Variants in ATP1B3 observed in about 807,000 individuals in gnomAD.
The protein encoded by ATP1B3 is sodium/potassium-transporting ATPase subunit beta-3.
In ATP1B3, 10 loss-of-function variants were observed where a neutral mutation model predicts 30.2. That is an observed-to-expected ratio of 0.33 (90% CI 0.20 to 0.56). The LOEUF is 0.56. Ranked by LOEUF, ATP1B3 falls within the 20% of genes least tolerant of loss-of-function variation. The pLI, the probability that ATP1B3 is intolerant of heterozygous loss-of-function variation, is 0.90. For missense variants in ATP1B3, 238 were observed against 336.7 expected (o/e 0.71, Z 2.29); for synonymous variants, 113 against 117.0 (o/e 0.97, Z 0.22).
At position 141,876,739 on chromosome 3, in the gene ATP1B3, T is replaced by G. The variant is rs549951207; in HGVS notation, c.-63T>G. 4.5e-6 allele frequency: 6 copies of G among 1,348,146 alleles called. No individual in the cohort carries two copies. Among genetic ancestry groups the G allele is most frequent in the East Asian group, 5.3e-5 (2 of 37,784 alleles). The allele number at this position is 1,348,146 out of a possible 1,614,324, so 83.5% of individuals were successfully genotyped here. A position where few individuals can be genotyped will look rare whatever the true frequency, so the allele number is the denominator to read the frequency against. ...TGCGCCGCCGGAGCCGGGACGCGCCTCCGCAGCCCTCGCCGCCTCCATCCC... is the reference window on the plus strand; with the variant it reads ...TGCGCCGCCGGAGCCGGGACGCGCCGCCGCAGCCCTCGCCGCCTCCATCCC... On this transcript the variant is annotated 5_prime_UTR_variant, in exon 1 of 7. Transcript: ENST00000286371.
At chr3:141,877,633 G>A (rs1212951123) in intron 1 of ATP1B3, 1 of 151,266 alleles carries the variant, frequency 6.6e-6, no homozygotes, top group East Asian at 1.9e-4. Flanking sequence ...TTTGGGGAAA[G>A]TAAATCCTGT....
intron 3 of ATP1B3, among the ~76,000 whole-genome samples, chr3:141,908,068 C>CTTTTTTTT (rs56374653): frequency 1.9e-3 from 203 of 109,114 alleles, no homozygotes; most frequent in Non-Finnish European, 2.4e-3. Flanking sequence ...GCCAGGCATT[C>CTTTTTTTT]TTTTTTTTTT....
chr3:141,925,450 A>T, intron 6 of ATP1B3, 81 bp from the exon 7 acceptor site: 7 of 1,460,640 alleles, frequency 4.8e-6, no homozygotes, highest in African/African-American at 1.4e-5. Flanking sequence ...AAGAAAATTT[A>T]CAGAATAAGC....
intron 1 of ATP1B3, among the ~76,000 whole-genome samples, chr3:141,897,452 G>A (rs1934088649): frequency 6.6e-6 from 1 of 152,152 alleles, no homozygotes; most frequent in Non-Finnish European, 1.5e-5. Context: ...ACTTGAATGA[G>A]ACATTTTTAT....
At chr3:141,903,781 G>GT (rs773575288) in intron 2 of ATP1B3, 33 bp downstream of exon 2, 15 of 1,594,136 alleles carry the variant, frequency 9.4e-6, no homozygotes, top group Non-Finnish European at 1.2e-5. Context: ...TTTGTTTTTT[G>GT]TTTTTTGTTT....
At chr3:141,879,835 T>TTTTTTTTTA (rs1933688308) in intron 1 of ATP1B3, among the ~76,000 whole-genome samples, 3 of 136,468 alleles carry the variant, frequency 2.2e-5, no homozygotes, top group Non-Finnish European at 4.8e-5. Flanking sequence ...TTTTTTTTTT[T>TTTTTTTTTA]AAGAAAAACA....
At chr3:141,886,200 C>T (rs1933829607) in intron 1 of ATP1B3, among the ~76,000 whole-genome samples, 1 of 152,084 alleles carries the variant, frequency 6.6e-6, no homozygotes, top group Admixed American at 6.6e-5. Context: ...CCCTAAGTAA[C>T]CCATCGTTTC....
In ATP1B3 at chr3:141,915,955, A is replaced by AT; in HGVS notation, c.532-12dup. On this transcript the variant is annotated splice_polypyrimidine_tract_variant and intron_variant, in intron 4 of 6. Transcript: ENST00000286371. ...TTACGTGAAGTTTAAATTTATCACTATTTCTTAACCTTAGATAATTGGATT... is the reference window on the plus strand; with the variant it reads ...TTACGTGAAGTTTAAATTTATCACTATTTTCTTAACCTTAGATAATTGGATT... The AT allele has an allele frequency of 6.3e-7, 1 of 1,592,184 alleles. No homozygotes were observed. Among genetic ancestry groups the AT allele is most frequent in the Non-Finnish European group, 8.6e-7 (1 of 1,167,626 alleles).
chr3:141,926,250 C>T lies in ATP1B3; in HGVS notation c.*549C>T, dbSNP rs575287568. On this transcript the variant is annotated 3_prime_UTR_variant, in exon 7 of 7. Coordinates refer to ENST00000286371, the MANE Select transcript of ATP1B3 (RefSeq NM_001679.4). ...TATTTTTTACATGCTGAATTAGCCT[C>T]GATCTTTTTGATTAAGAGCACAAAC... 4 of 151,700 alleles carry T rather than the reference C, an allele frequency of 2.6e-5. No individual in the cohort carries two copies. The highest frequency in any genetic ancestry group is 9.7e-5 in the African/African-American group (4 of 41,346). The allele number at this position is 151,700 out of a possible 1,614,324, so 9.4% of individuals were successfully genotyped here. A position where few individuals can be genotyped will look rare whatever the true frequency, so the allele number is the denominator to read the frequency against.
intron 3 of ATP1B3, 58 bp downstream of exon 3, chr3:141,907,332 A>G (rs1934281024): frequency 6.9e-7 from 1 of 1,457,776 alleles, no homozygotes; most frequent in Non-Finnish European, 9.5e-7. Context: ...TTAGTACCAA[A>G]TTGTGGGCCG....
chr3:141,922,313 G>A, intron 6 of ATP1B3: 1 of 315,160 alleles, frequency 3.2e-6, no homozygotes, highest in Non-Finnish European at 5.8e-6. Context: ...TTTCATTATA[G>A]AGGTAGTAGT....
At chr3:141,922,898 G>A (rs62283113) in intron 6 of ATP1B3, among the ~76,000 whole-genome samples, 4 of 152,110 alleles carry the variant, frequency 2.6e-5, no homozygotes, top group African/African-American at 4.8e-5. Flanking sequence ...CCTGGGAGTC[G>A]GAGGTTACAG....
chr3:141,885,902 CACACACACACACACACACACA>C (rs1427795686), intron 1 of ATP1B3, among the ~76,000 whole-genome samples: 1 of 151,774 alleles, frequency 6.6e-6, no homozygotes, highest in African/African-American at 2.4e-5. Context: ...CACACACACA[CACACACACACACACACACACA>C]CCCCTGTAGT....
chr3:141,896,927 A>C (rs1377213649), intron 1 of ATP1B3, among the ~76,000 whole-genome samples: 1 of 152,072 alleles, frequency 6.6e-6, no homozygotes, highest in East Asian at 1.9e-4. Flanking sequence ...CTGTGTGTTT[A>C]GACTTTCCTA....
In ATP1B3 at chr3:141,903,727, C is replaced by T. The variant is rs757923768; in HGVS notation, c.217C>T (p.Arg73Cys). 1.2e-6 allele frequency: 2 copies of T among 1,613,796 alleles called. No homozygotes were observed. Among genetic ancestry groups the T allele is most frequent in the East Asian group, 2.2e-5 (1 of 44,876 alleles). The change falls in exon 2 of 7, where the codon CGT becomes TGT. Residue 73 changes from arginine to cysteine, a missense_variant. This residue lies in a region of ATP1B3 where 130 missense variants were observed against 148.8 expected (regional missense o/e 0.87). Transcript: ENST00000286371. ...TCTCAACGATGAGGTTCCAAAATAC[C>T]GTGACCAGATTCCTAGCCCAGGTAA... Reference protein sequence around the residue: ...QTLNDEVPKYRDQIPSPGLMV... With the variant: ...QTLNDEVPKYCDQIPSPGLMV...
chr3:141,882,496 ATACT>A (rs2107926939), intron 1 of ATP1B3, among the ~76,000 whole-genome samples: 1 of 152,260 alleles, frequency 6.6e-6, no homozygotes, highest in South Asian at 2.1e-4. Flanking sequence ...GTGACCATAC[ATACT>A]TCCTGTTGAA....
intron 4 of ATP1B3, among the ~76,000 whole-genome samples, chr3:141,915,446 C>G (rs1246917085): frequency 1.3e-5 from 2 of 152,170 alleles, no homozygotes; most frequent in Non-Finnish European, 2.9e-5. Context: ...TCAGTTCTGT[C>G]AGCTACATAC....
chr3:141,890,285 CTTTTTTTTTTTTTTTTTT>C (rs775182342), intron 1 of ATP1B3, among the ~76,000 whole-genome samples: 34 of 28,570 alleles, frequency 1.2e-3, no homozygotes, highest in Admixed American at 5.5e-3. Flanking sequence ...TTTTGTGGGG[CTTTTTTTTTTTTTTTTTT>C]TTTTTTTTTT....
intron 5 of ATP1B3, among the ~76,000 whole-genome samples, chr3:141,921,233 G>A (rs1466822686): frequency 6.6e-6 from 1 of 152,102 alleles, no homozygotes; most frequent in African/African-American, 2.4e-5. Flanking sequence ...AGTGTTACAT[G>A]TGAATTTTCA....
Sources: allele counts gnomAD v4.1 joint callset (sites outside exome capture counted in the v4.1 genomes callset), GRCh38; gene constraint gnomAD v4.1.1; regional missense constraint gnomAD v4.1.1; transcripts MANE v1.5; gene names NCBI Gene and HGNC (gene_info 2026-07-23, HGNC 2026-07-21).